STXBP4: variants seen among roughly 807,000 people sequenced by gnomAD.
STXBP4 encodes syntaxin-binding protein 4.
In STXBP4, 55 loss-of-function variants were observed where a neutral mutation model predicts 76.1. That is an observed-to-expected ratio of 0.72 (90% CI 0.58 to 0.91). STXBP4 has a LOEUF of 0.91. STXBP4 is among the 40% of genes least tolerant of loss of function. STXBP4 has a pLI of 0.00. For synonymous variants in STXBP4, 201 were observed against 220.2 expected (o/e 0.91, Z 0.77); for missense variants, 618 against 636.9 (o/e 0.97, Z 0.32).
At chr17:55,121,506 G>A (rs759045920) in intron 16 of STXBP4, among the ~76,000 whole-genome samples, 44 of 152,238 alleles carry the variant, frequency 2.9e-4, no homozygotes, top group South Asian at 2.1e-3. Context: ...GTACCCAATT[G>A]TGCTGATACC....
At chr17:55,000,412 A>G (rs2077890878) in intron 6 of STXBP4, 1 of 380,758 alleles carries the variant, frequency 2.6e-6, no homozygotes, top group African/African-American at 2.2e-5. Flanking sequence ...TGTATTATTT[A>G]TATCTGTGTT....
intron 8 of STXBP4, among the ~76,000 whole-genome samples, chr17:55,026,580 C>G (rs1263066458): frequency 6.6e-6 from 1 of 152,178 alleles, no homozygotes; most frequent in Admixed American, 6.5e-5. Context: ...GATACACACC[C>G]CAACTGGGGA....
intron 8 of STXBP4, among the ~76,000 whole-genome samples, chr17:55,016,364 A>G (rs1277559977): frequency 6.6e-6 from 1 of 152,160 alleles, no homozygotes; most frequent in East Asian, 1.9e-4. Context: ...TGAGTCCTAG[A>G]GCTGGGCTGG....
chr17:55,022,439 C>T (rs1293097303), intron 8 of STXBP4, among the ~76,000 whole-genome samples: 1 of 151,996 alleles, frequency 6.6e-6, no homozygotes, highest in Non-Finnish European at 1.5e-5. Flanking sequence ...TTTTACTCAA[C>T]AAATATTTAT....
intron 12 of STXBP4, among the ~76,000 whole-genome samples, chr17:55,049,501 A>G (rs1471447387): frequency 1.3e-5 from 2 of 152,010 alleles, no homozygotes; most frequent in Non-Finnish European, 2.9e-5. Context: ...GTAGCAGTCA[A>G]TAAATATTTA....
intron 8 of STXBP4, among the ~76,000 whole-genome samples, chr17:55,010,251 T>G (rs1165686503): frequency 2.6e-5 from 1 of 38,046 alleles, no homozygotes; most frequent in Non-Finnish European, 6.5e-5. Flanking sequence ...GACAATGTCA[T>G]ATATATATAT....
the STXBP4 span, among the ~76,000 whole-genome samples, chr17:55,197,996 G>A: frequency 9.2e-4 from 140 of 152,304 alleles, no homozygotes; most frequent in African/African-American, 3.2e-3. Flanking sequence ...TATTGAAAAT[G>A]AAAGTACATT....
chr17:55,070,312 A>G (rs1018014670), intron 12 of STXBP4, among the ~76,000 whole-genome samples: 12 of 152,140 alleles, frequency 7.9e-5, no homozygotes, highest in African/African-American at 2.9e-4. Flanking sequence ...TAGTGCTGGC[A>G]CATAGTTAGC....
rs542438217 is a variant in STXBP4, at chr17:55,052,202, T to C, written c.1011+5048T>C. Among the ~76,000 whole-genome samples the C allele has an allele frequency of 2.9e-4, 44 of 152,028 alleles. 1 individual carries two copies. Among genetic ancestry groups the C allele is most frequent in the Middle Eastern group, 6.8e-3 (2 of 294 alleles). On this transcript the variant is annotated intron_variant, in intron 12 of 17. Coordinates refer to ENST00000376352, the MANE Select transcript of STXBP4 (RefSeq NM_178509.6). ...TCAGAGAAATGACAAATTTCAGAAA[T>C]GAGGAAGGGTAAGTAAAATATAAGC...
intron 3 of STXBP4, among the ~76,000 whole-genome samples, chr17:54,990,386 A>G (rs1464427722): frequency 2.6e-5 from 4 of 152,148 alleles, no homozygotes; most frequent in African/African-American, 9.7e-5. Context: ...TCATAGGAGC[A>G]TGAACCCTAT....
At position 55,168,741 on chromosome 17, in the gene STXBP4, A is replaced by T. The variant is rs931307669; in HGVS notation, c.*8830A>T. On this transcript the variant is annotated 3_prime_UTR_variant, in exon 18 of 18. Transcript: ENST00000376352. ...GTCATAAACCACAATTTTTCACGGT[A>T]ACACCCTCTCTGCCATCAGGATAAA... The T allele has an allele frequency of 3.9e-5, 6 of 152,222 alleles. No individual in the cohort carries two copies. Among genetic ancestry groups the T allele is most frequent in the African/African-American group, 1.4e-4 (6 of 41,460 alleles). The allele number at this position is 152,222 out of a possible 1,614,324, so 9.4% of individuals were successfully genotyped here.
At chr17:55,016,731 C>T (rs1232354077) in intron 8 of STXBP4, among the ~76,000 whole-genome samples, 1 of 152,210 alleles carries the variant, frequency 6.6e-6, no homozygotes, top group Non-Finnish European at 1.5e-5. Context: ...TTTAAATCCC[C>T]TGTAAGGAAA....
chr17:54,986,325 A>T lies in STXBP4; in HGVS notation c.47+59A>T. On this transcript the variant is annotated intron_variant, in intron 3 of 17. Coordinates refer to ENST00000376352, the MANE Select transcript of STXBP4 (RefSeq NM_178509.6). ...GTTTGAAATATGTAAACTATTAATG[A>T]ACATTTGATTAAAAGTTTTTTTACA... 4.4e-6 allele frequency: 6 copies of T among 1,357,522 alleles called. 1 individual carries two copies. In the South Asian group the frequency reaches 7.6e-5, roughly 17 times the overall value. The allele number at this position is 1,357,522 out of a possible 1,614,324, so 84.1% of individuals were successfully genotyped here. A position where few individuals can be genotyped will look rare whatever the true frequency, so the allele number is the denominator to read the frequency against.
intron 12 of STXBP4, among the ~76,000 whole-genome samples, chr17:55,056,565 A>G (rs2144801264): frequency 6.6e-6 from 1 of 152,298 alleles, no homozygotes; most frequent in African/African-American, 2.4e-5. Flanking sequence ...TCAAAGCTAC[A>G]TCTGTTAAGT....
chr17:55,186,847 C>T, the STXBP4 span, among the ~76,000 whole-genome samples: 3 of 152,170 alleles, frequency 2.0e-5, no homozygotes, highest in Non-Finnish European at 4.4e-5. Flanking sequence ...ATTCCTCTTT[C>T]CTCCATTTCA....
chr17:55,206,953 G>A, the STXBP4 span, among the ~76,000 whole-genome samples: 1 of 151,692 alleles, frequency 6.6e-6, no homozygotes, highest in Non-Finnish European at 1.5e-5. Flanking sequence ...GTCATGACAG[G>A]CATCTAAATT....
chr17:54,973,392 C>T (rs1245022805), intron 1 of STXBP4, among the ~76,000 whole-genome samples: 1 of 152,172 alleles, frequency 6.6e-6, no homozygotes, highest in Non-Finnish European at 1.5e-5. Flanking sequence ...TAAAAATCAT[C>T]ATTAACGTGG....
At chr17:54,976,829 C>T (rs1042620737) in intron 1 of STXBP4, among the ~76,000 whole-genome samples, 2 of 152,122 alleles carry the variant, frequency 1.3e-5, no homozygotes, top group South Asian at 4.1e-4. Context: ...CACCCCCATG[C>T]GTGGAAAAAT....
At chr17:55,004,431 G>A (rs2077971467) in intron 7 of STXBP4, among the ~76,000 whole-genome samples, 1 of 152,108 alleles carries the variant, frequency 6.6e-6, no homozygotes, top group African/African-American at 2.4e-5. Flanking sequence ...GCCAGGCATG[G>A]TGGCTCACAC....
Sources: gnomAD v4.1 joint callset for allele counts (sites outside exome capture counted in the v4.1 genomes callset) on GRCh38, gnomAD v4.1.1 for gene constraint, MANE v1.5 for transcripts, NCBI Gene and HGNC (gene_info 2026-07-23, HGNC 2026-07-21) for gene names.